Variants in PHF3 observed in about 807,000 individuals in gnomAD.
The protein encoded by PHF3 is PHD finger protein 3.
In PHF3, 41 loss-of-function variants were observed where a neutral mutation model predicts 178.4. The observed-to-expected ratio is 0.23, with a 90% confidence interval of 0.18 to 0.30. PHF3 has a LOEUF of 0.30. Ranked by LOEUF, PHF3 falls within the 10% of genes least tolerant of loss-of-function variation. The pLI is 1.00. For missense variants in PHF3, 2,346 were observed against 2,398.1 expected (o/e 0.98, Z 0.45); for synonymous variants, 842 against 800.5 (o/e 1.05, Z -0.88).
Position 63,712,714 on chromosome 6 carries a change from G to C in PHF3, c.5126G>C (p.Cys1709Ser), listed in dbSNP as rs143251312. Residue 1709 changes from cysteine (C) to serine (S), a missense_variant, in exon 16 of 16, where the codon TGT becomes TCT. Cys to Ser is a moderately radical substitution (Grantham distance 112). Coordinates refer to ENST00000262043, the MANE Select transcript of PHF3 (RefSeq NM_001370348.2). ...EKLCSAEKNS[C>S]VQQSDNLKVA... ...TTGTGTTCTGCAGAGAAAAACTCGT[G>C]TGTTCAGCAGAGTGACAATTTAAAA... 3 of 1,613,986 alleles carry C rather than the reference G, an allele frequency of 1.9e-6. No homozygotes were observed. In the African/African-American group the frequency reaches 4.0e-5, roughly 22 times the overall value.
chr6:63,720,367 C>G lies in PHF3; in HGVS notation c.*6659C>G. On this transcript the variant is annotated 3_prime_UTR_variant, in exon 16 of 16. Transcript: ENST00000262043. ...GCACATTCTGTGAATAAGCACTGAACTAATGGAGTTAAAACATGAATCAAA... is the reference window on the plus strand; with the variant it reads ...GCACATTCTGTGAATAAGCACTGAAGTAATGGAGTTAAAACATGAATCAAA... 1 of 460,746 alleles carries G rather than the reference C, an allele frequency of 2.2e-6. No homozygotes were observed. Among genetic ancestry groups the G allele is most frequent in the Non-Finnish European group, 3.8e-6 (1 of 263,274 alleles). 28.5% of individuals were successfully genotyped at this position (460,746 alleles called of 1,614,324 possible). A position where few individuals can be genotyped will look rare whatever the true frequency, so the allele number is the denominator to read the frequency against.
rs567039282 is a variant in PHF3 at position 63,637,821 on chromosome 6, A to C, written c.-26+1671A>C. On this transcript the variant is annotated intron_variant, in intron 1 of 15. Coordinates refer to ENST00000262043, the MANE Select transcript of PHF3 (RefSeq NM_001370348.2). ...ACAACTTTAGATTTTAAGCTTTTTC[A>C]GATAGCTGTACTCGGTAATTTGTCA... 1.1e-4 allele frequency among the ~76,000 whole-genome samples: 16 copies of C among 152,338 alleles called. No homozygotes were observed. In the East Asian group the frequency reaches 2.1e-3, roughly 20 times the overall value.
At chr6:63,664,373 C>A (rs1328506150) in intron 2 of PHF3, among the ~76,000 whole-genome samples, 1 of 152,132 alleles carries the variant, frequency 6.6e-6, no homozygotes, top group Non-Finnish European at 1.5e-5. Flanking sequence ...GAGGGAGATT[C>A]AATTCTTGTT....
At chr6:63,681,519 G>A (rs1013584045) in intron 3 of PHF3, among the ~76,000 whole-genome samples, 1 of 151,244 alleles carries the variant, frequency 6.6e-6, no homozygotes, top group Non-Finnish European at 1.5e-5. Flanking sequence ...TTTCTTTAAC[G>A]TGCTTAAATT....
intron 2 of PHF3, among the ~76,000 whole-genome samples, chr6:63,676,217 G>A (rs1766158070): frequency 6.6e-6 from 1 of 152,048 alleles, no homozygotes; most frequent in Admixed American, 6.6e-5. Flanking sequence ...ATATTTTCTG[G>A]AATACCTACT....
At chr6:63,651,694 T>C (rs1437867978) in intron 2 of PHF3, among the ~76,000 whole-genome samples, 1 of 152,166 alleles carries the variant, frequency 6.6e-6, no homozygotes, top group Non-Finnish European at 1.5e-5. Flanking sequence ...AACAAACTTT[T>C]GGCTATTCCC....
At chr6:63,648,905 A>G (rs1397822221) in intron 2 of PHF3, among the ~76,000 whole-genome samples, 1 of 152,040 alleles carries the variant, frequency 6.6e-6, no homozygotes, top group Non-Finnish European at 1.5e-5. Context: ...GATTGTTTAA[A>G]TTTCATTGTG....
rs563453704 is a variant in PHF3 at position 63,723,288 on chromosome 6, A to G, written c.*9580A>G. Among the ~76,000 whole-genome samples, 2 of 152,174 alleles carry G rather than the reference A, an allele frequency of 1.3e-5. No individual in the cohort carries two copies. The highest frequency in any genetic ancestry group is 2.9e-5 in the Non-Finnish European group (2 of 68,028). ...GAGAAGCAACATTATAAACTTTCAG[A>G]TTAGGAAAGAAAAAATATACATTGG... On this transcript the variant is annotated 3_prime_UTR_variant, in exon 16 of 16. Coordinates refer to ENST00000262043, the MANE Select transcript of PHF3 (RefSeq NM_001370348.2).
At chr6:63,692,089 TG>T (rs1205296329) in intron 5 of PHF3, 46 bp downstream of exon 5, 2 of 1,313,456 alleles carry the variant, frequency 1.5e-6, no homozygotes, top group South Asian at 3.0e-5. Flanking sequence ...AAGAGCTTTT[TG>T]TATGGACTGA....
rs1277294877 is a variant in PHF3 at position 63,662,451 on chromosome 6, C to G, written c.244+15656C>G. Among the ~76,000 whole-genome samples, 3 of 152,172 alleles carry G rather than the reference C, an allele frequency of 2.0e-5. No homozygotes were observed. In the East Asian group the frequency reaches 5.8e-4, roughly 29 times the overall value. On this transcript the variant is annotated intron_variant, in intron 2 of 15. Transcript: ENST00000262043. ...ATTTTTCTCGCTGTTTTCTTCTAGT[C>G]ATGACAGGATTGCAGAATCCCTTGT...
Position 63,646,754 on chromosome 6 carries a change from TG to T in PHF3, c.205del (p.Asp69IlefsTer39), listed in dbSNP as rs770459374. The T allele has an allele frequency of 6.3e-7, 1 of 1,592,058 alleles. No individual in the cohort carries two copies. Among genetic ancestry groups the T allele is most frequent in the Non-Finnish European group, 8.5e-7 (1 of 1,169,746 alleles). On this transcript the variant is annotated frameshift_variant, in exon 2 of 16. Transcript: ENST00000262043. LOFTEE classifies it high-confidence loss of function. ...AGTAACCAGTTCTGTTTGCCTGTTT[TG>T]GATAGCAATGATCCCAATTTCCAGA... is the stretch of plus-strand genomic sequence containing the variant. ...SASNQFCLPV[L>X]DSNDPNFQMP...
In PHF3 at chr6:63,711,161, G is replaced by T; in HGVS notation, c.3802-6G>T. On this transcript the variant is annotated splice_region_variant and splice_polypyrimidine_tract_variant and intron_variant, in intron 14 of 15. Transcript: ENST00000262043. ...TTAAACAATTATTTGTTATTTTCTT[G>T]AACAGGAAATTTGTGTGGTTCGCTT... 1 of 1,573,634 alleles carries T rather than the reference G, an allele frequency of 6.4e-7. No individual in the cohort carries two copies. Among genetic ancestry groups the T allele is most frequent in the South Asian group, 1.2e-5 (1 of 85,804 alleles).
intron 3 of PHF3, among the ~76,000 whole-genome samples, chr6:63,683,918 C>G (rs1480254860): frequency 6.6e-6 from 1 of 151,742 alleles, no homozygotes; most frequent in South Asian, 2.1e-4. Flanking sequence ...TGCTAGAATT[C>G]AGAGAACTTT....
At chr6:63,686,963 C>CA (rs1766736464) in intron 4 of PHF3, among the ~76,000 whole-genome samples, 1 of 152,082 alleles carries the variant, frequency 6.6e-6, no homozygotes, top group Non-Finnish European at 1.5e-5. Context: ...AGTTTTATGT[C>CA]AAAGTATTTC....
intron 2 of PHF3, among the ~76,000 whole-genome samples, chr6:63,666,569 T>C (rs1032169500): frequency 6.6e-6 from 1 of 152,086 alleles, no homozygotes; most frequent in African/African-American, 2.4e-5. Context: ...TTCAAGTCTC[T>C]GGTATAAAAT....
chr6:63,654,072 C>CT (rs1447125920), intron 2 of PHF3, among the ~76,000 whole-genome samples: 2 of 152,064 alleles, frequency 1.3e-5, no homozygotes, highest in East Asian at 3.8e-4. Context: ...ATATTGGCCT[C>CT]TAATTTTCTT....
chr6:63,681,753 A>G (rs1465168032), intron 3 of PHF3, among the ~76,000 whole-genome samples: 1 of 152,052 alleles, frequency 6.6e-6, no homozygotes, highest in Admixed American at 6.6e-5. Context: ...TTTAAAAAAA[A>G]TGTTTAAAAA....
intron 2 of PHF3, among the ~76,000 whole-genome samples, chr6:63,647,933 G>C (rs192607250): frequency 4.6e-5 from 7 of 152,140 alleles, no homozygotes; most frequent in Non-Finnish European, 5.9e-5. Flanking sequence ...TTTTTCTCCT[G>C]TACAGTTTGT....
Position 63,712,308 on chromosome 6 carries a change from A to G in PHF3, c.4720A>G (p.Thr1574Ala), listed in dbSNP as rs1376523935. 2 of 1,613,196 alleles carry G rather than the reference A, an allele frequency of 1.2e-6. No individual in the cohort carries two copies. The highest frequency in any genetic ancestry group is 2.2e-5 in the South Asian group (2 of 90,894). ...PPDVSTEAFL[T>A]NLSIQSKQEE... The stretch of plus-strand genomic sequence containing the variant: ...AGATGTTTCTACAGAAGCATTTTTA[A>G]CAAATTTATCAATTCAGTCAAAACA... Residue 1574 changes from threonine to alanine, a missense_variant, in exon 16 of 16, where the codon ACA (threonine) becomes GCA (alanine). This residue lies in a region of PHF3 where 839 missense variants were observed against 806.9 expected (regional missense o/e 1.04). Coordinates refer to ENST00000262043, the MANE Select transcript of PHF3 (RefSeq NM_001370348.2).
Sources: allele counts gnomAD v4.1 joint callset (sites outside exome capture counted in the v4.1 genomes callset), GRCh38; gene constraint gnomAD v4.1.1; regional missense constraint gnomAD v4.1.1; transcripts MANE v1.5; gene names NCBI Gene and HGNC (gene_info 2026-07-23, HGNC 2026-07-21).